The following CHST15 variants were observed in gnomAD, a reference collection of about 807,000 sequenced individuals.
The protein encoded by CHST15 is B cell RAG associated protein (GALNAC4S-6ST).
Under a neutral mutation model 53.6 loss-of-function variants are expected in CHST15, and 30 were observed. The observed-to-expected ratio is 0.56, with a 90% CI of 0.42 to 0.76. The LOEUF (loss-of-function observed/expected upper bound fraction) is 0.76, where lower values mean the gene tolerates loss of function less well. Ranked by LOEUF, CHST15 falls within the 30% of genes least tolerant of loss-of-function variation. The probability of loss-of-function intolerance (pLI) is 0.00; values close to 1 mark genes in which losing one functional copy is unlikely to be tolerated. For synonymous variants in CHST15, 296 were observed against 289.8 expected (o/e 1.02, Z -0.22); for missense variants, 627 against 740.5 (o/e 0.85, Z 1.78).
chr10:124,087,078 G>C (rs897385765), intron 1 of CHST15, among the ~76,000 whole-genome samples: 1 of 152,214 alleles, frequency 6.6e-6, no homozygotes, highest in Non-Finnish European at 1.5e-5. Flanking sequence ...GCTGCCAGGG[G>C]TTACAAAAGG....
intron 1 of CHST15, among the ~76,000 whole-genome samples, chr10:124,085,476 T>C (rs1351562944): frequency 6.6e-6 from 1 of 152,222 alleles, no homozygotes; most frequent in Non-Finnish European, 1.5e-5. Context: ...AAGTGTGAGC[T>C]CTCCTGTGCC....
intron 6 of CHST15, 62 bp downstream of exon 6, chr10:124,021,194 C>G (rs181726754): frequency 5.3e-4 from 763 of 1,432,180 alleles, no homozygotes; most frequent in Non-Finnish European, 6.8e-4. Flanking sequence ...TGCATAATAA[C>G]AACAAACCAG....
intron 4 of CHST15, 71 bp from the exon 5 acceptor site, chr10:124,038,742 G>T: frequency 2.6e-6 from 4 of 1,537,700 alleles, no homozygotes; most frequent in Non-Finnish European, 2.7e-6. Context: ...CTAGGTGCCA[G>T]AGGCCACACC....
intron 7 of CHST15, 189 bp from the exon 8 acceptor site, chr10:124,010,528 G>T (rs1323411029): frequency 1.0e-6 from 1 of 985,362 alleles, no homozygotes; most frequent in Non-Finnish European, 1.2e-6. Flanking sequence ...AACACCATCA[G>T]GAAATTGCGA....
chr10:124,025,521 C>A (rs1284707006), intron 5 of CHST15, among the ~76,000 whole-genome samples: 1 of 152,210 alleles, frequency 6.6e-6, no homozygotes, highest in Non-Finnish European at 1.5e-5. Flanking sequence ...TCCCTGGCAT[C>A]CTGCTGTGTC....
At chr10:124,066,221 T>C (rs1948745702) in intron 1 of CHST15, among the ~76,000 whole-genome samples, 1 of 152,198 alleles carries the variant, frequency 6.6e-6, no homozygotes, top group South Asian at 2.1e-4. Flanking sequence ...TTCCTCAAGT[T>C]ACAGAGTGTT....
rs145783909 is a variant in CHST15, at chr10:124,012,339, T to A, written c.1489A>T (p.Asn497Tyr). The A allele has an allele frequency of 1.9e-6, 3 of 1,613,580 alleles. No individual in the cohort carries two copies. In the African/African-American group the frequency reaches 4.0e-5, roughly 22 times the overall value. ...CTAAGCACCACACTCATACCTAGGT[T>A]CAGAAACTGGAAGACCTTGTGCATG... Reference protein sequence around the residue: ...YTMHKVFQFLNLGPLSEKQEA... With the variant: ...YTMHKVFQFLYLGPLSEKQEA... The change falls in exon 7 of 8, where the codon AAC (asparagine) becomes TAC (tyrosine). Residue 497 changes from asparagine to tyrosine, a missense_variant. Asn to Tyr is a moderately radical substitution (Grantham distance 143). Transcript: ENST00000435907.
In CHST15 at chr10:124,074,270, C is replaced by T. The variant is rs1032694494; in HGVS notation, c.-513+19199G>A. Among the ~76,000 whole-genome samples the T allele has an allele frequency of 2.6e-5, 4 of 152,188 alleles. No individual in the cohort carries two copies. The highest frequency in any genetic ancestry group is 5.9e-5 in the Non-Finnish European group (4 of 68,036). On this transcript the variant is annotated intron_variant, in intron 1 of 7. Coordinates refer to ENST00000435907, the MANE Select transcript of CHST15 (RefSeq NM_001270764.2). The surrounding 1 kb of genome is among the most constrained non-coding windows in gnomAD (Gnocchi z 4.4). ...CACTGATGCCATTAGACAGTTTCTA[C>T]TTGGCAAGTTGCTTCAAGAATTTCT... is the stretch of plus-strand genomic sequence containing the variant.
intron 1 of CHST15, among the ~76,000 whole-genome samples, chr10:124,072,224 T>G (rs1033729894): frequency 1.3e-4 from 20 of 152,084 alleles, no homozygotes; most frequent in African/African-American, 4.8e-4. Flanking sequence ...GCCACTGTTG[T>G]GAGTTACAAA....
At chr10:124,018,190 C>A (rs944794559) in intron 6 of CHST15, among the ~76,000 whole-genome samples, 10 of 152,212 alleles carry the variant, frequency 6.6e-5, no homozygotes, top group Admixed American at 3.3e-4. Context: ...AGGGGTCCTG[C>A]ACCCCCTGAC....
At chr10:124,088,655 A>G (rs1036347750) in intron 1 of CHST15, among the ~76,000 whole-genome samples, 5 of 152,070 alleles carry the variant, frequency 3.3e-5, no homozygotes, top group Non-Finnish European at 5.9e-5. Flanking sequence ...GTCATCTCCA[A>G]CAGCTTCCCA....
At chr10:124,027,039 C>T (rs1947037153) in intron 5 of CHST15, among the ~76,000 whole-genome samples, 1 of 152,180 alleles carries the variant, frequency 6.6e-6, no homozygotes, top group Non-Finnish European at 1.5e-5. Flanking sequence ...GCTGAGCCAC[C>T]TCATTTTCTT....
At chr10:124,021,052 G>A (rs1946759698) in intron 6 of CHST15, 1 of 1,441,808 alleles carries the variant, frequency 6.9e-7, no homozygotes, top group East Asian at 2.5e-5. Context: ...GACCAGCAGG[G>A]AGGAAGGCAG....
At chr10:124,045,097 T>C (rs1326568285) in intron 2 of CHST15, among the ~76,000 whole-genome samples, 178 bp from the exon 3 acceptor site, 3 of 72,648 alleles carry the variant, frequency 4.1e-5, no homozygotes, top group African/African-American at 1.5e-4. Flanking sequence ...TGCTTTCCTC[T>C]CCCCCGCCGC....
chr10:124,087,671 T>C (rs759834639), intron 1 of CHST15, among the ~76,000 whole-genome samples: 9 of 152,202 alleles, frequency 5.9e-5, no homozygotes, highest in Non-Finnish European at 1.0e-4. Context: ...AAATGTAAAA[T>C]AGGCATCAGG....
At chr10:124,085,709 G>A (rs916448967) in intron 1 of CHST15, among the ~76,000 whole-genome samples, 1 of 152,132 alleles carries the variant, frequency 6.6e-6, no homozygotes, top group Non-Finnish European at 1.5e-5. Context: ...CCAGCACAGT[G>A]TGGGACAGGG....
intron 1 of CHST15, among the ~76,000 whole-genome samples, chr10:124,076,075 G>A (rs1435884266): frequency 6.6e-6 from 1 of 152,164 alleles, no homozygotes; most frequent in Admixed American, 6.5e-5. Flanking sequence ...GAAAAGCCAG[G>A]GGAGATGGGC....
chr10:124,024,894 T>C lies in CHST15; in HGVS notation c.1191-3482A>G, dbSNP rs536273102. 6.6e-6 allele frequency among the ~76,000 whole-genome samples: 1 copy of C among 152,296 alleles called. No homozygotes were observed. The highest frequency in any genetic ancestry group is 2.4e-5 in the African/African-American group (1 of 41,574). On this transcript the variant is annotated intron_variant, in intron 5 of 7. Transcript: ENST00000435907. The surrounding 1 kb of genome is among the most constrained non-coding windows in gnomAD (Gnocchi z 4.0). ...ATATGGCTCAGCCCAAGAAACTACG[T>C]CAATGAAAAGTAACAGATGCTTCTG...
At chr10:124,072,955 C>A (rs1158259956) in intron 1 of CHST15, among the ~76,000 whole-genome samples, 3 of 152,190 alleles carry the variant, frequency 2.0e-5, no homozygotes, top group African/African-American at 7.2e-5. Flanking sequence ...GAGTCAGTCT[C>A]ACCTTACATT....
Sources: gnomAD v4.1 joint callset for allele counts (sites outside exome capture counted in the v4.1 genomes callset) on GRCh38, gnomAD v4.1.1 for gene constraint, Gnocchi (gnomAD v3.1) non-coding constraint, MANE v1.5 for transcripts, NCBI Gene and HGNC (gene_info 2026-07-23, HGNC 2026-07-21) for gene names.